Variants in ACSL1 observed in about 807,000 individuals in gnomAD.
ACSL1 encodes long-chain-fatty-acid--CoA ligase 1.
Under a neutral mutation model 98.4 loss-of-function variants are expected in ACSL1, and 41 were observed. The observed-to-expected ratio is 0.42, with a 90% CI of 0.32 to 0.54. ACSL1 has a LOEUF of 0.54. Among genes scored for constraint, ACSL1 ranks in the 20% least tolerant of loss-of-function variants. The probability of loss-of-function intolerance (pLI) is 0.13; values close to 1 mark genes in which losing one functional copy is unlikely to be tolerated. For synonymous variants in ACSL1, 316 were observed against 322.7 expected (o/e 0.98, Z 0.22); for missense variants, 734 against 883.1 (o/e 0.83, Z 2.14).
chr4:184,789,868 G>T (rs1203302596), intron 2 of ACSL1, among the ~76,000 whole-genome samples: 1 of 139,202 alleles, frequency 7.2e-6, no homozygotes, highest in Non-Finnish European at 1.5e-5. Flanking sequence ...CAGTGACTAT[G>T]ACGTTAGAGC....
chr4:184,785,615 GGGGGGGA>G (rs1561209697), intron 3 of ACSL1, among the ~76,000 whole-genome samples: 971 of 29,626 alleles, frequency 0.033, 50 homozygotes, highest in East Asian at 0.12. Context: ...GCGGGGGGGG[GGGGGGGA>G]AGGAAGCAAA....
At chr4:184,797,015 C>T (rs950840596) in intron 2 of ACSL1, among the ~76,000 whole-genome samples, 4 of 152,166 alleles carry the variant, frequency 2.6e-5, no homozygotes, top group Admixed American at 1.3e-4. Context: ...TCAGTGAGGG[C>T]GAGTGACACC....
intron 4 of ACSL1, among the ~76,000 whole-genome samples, chr4:184,783,234 CGCT>C (rs753608094): frequency 4.6e-5 from 7 of 152,294 alleles, no homozygotes; most frequent in Non-Finnish European, 8.8e-5. Context: ...ACTCATGAGC[CGCT>C]GTTTCAACAG....
At chr4:184,783,821 G>A in intron 4 of ACSL1, 106 bp downstream of exon 4, 2 of 1,045,680 alleles carry the variant, frequency 1.9e-6, no homozygotes, top group South Asian at 1.3e-5. Context: ...CTCTGAGCTG[G>A]TCCAGCACAT....
At chr4:184,797,162 G>A (rs1245833561) in intron 2 of ACSL1, among the ~76,000 whole-genome samples, 3 of 151,890 alleles carry the variant, frequency 2.0e-5, no homozygotes, top group African/African-American at 4.8e-5. Context: ...AACAGCTCCC[G>A]CTCACAGCGG....
chr4:184,784,978 C>T (rs1292252068), intron 3 of ACSL1, among the ~76,000 whole-genome samples: 1 of 152,188 alleles, frequency 6.6e-6, no homozygotes, highest in Non-Finnish European at 1.5e-5. Context: ...AAAAAAATTG[C>T]ATTAGCCATA....
chr4:184,771,159 G>A (rs1410153317), intron 10 of ACSL1, among the ~76,000 whole-genome samples: 1 of 152,016 alleles, frequency 6.6e-6, no homozygotes, highest in East Asian at 1.9e-4. Flanking sequence ...TTCAAACAAA[G>A]TGGAAGTCAC....
chr4:184,781,911 C>A (rs1296256250), intron 4 of ACSL1, among the ~76,000 whole-genome samples: 1 of 152,216 alleles, frequency 6.6e-6, no homozygotes, highest in Non-Finnish European at 1.5e-5. Flanking sequence ...CCGTGCCTGG[C>A]CTGGAGTTAT....
intron 2 of ACSL1, among the ~76,000 whole-genome samples, chr4:184,799,228 C>T (rs1233474960): frequency 1.3e-5 from 2 of 151,778 alleles, no homozygotes; most frequent in Non-Finnish European, 2.9e-5. Flanking sequence ...AAGCAATTCC[C>T]GTCTCAGCCT....
intron 2 of ACSL1, among the ~76,000 whole-genome samples, chr4:184,792,467 G>T (rs1191458396): frequency 1.3e-5 from 2 of 152,100 alleles, no homozygotes. Context: ...ACAGGGGCAG[G>T]CTCTGTCGCC....
chr4:184,809,598 C>T, intron 1 of ACSL1, among the ~76,000 whole-genome samples: 1 of 151,992 alleles, frequency 6.6e-6, no homozygotes, highest in East Asian at 1.9e-4. Context: ...CAAGACCATC[C>T]TGGCTAACAC....
chr4:184,788,654 T>C lies in ACSL1; in HGVS notation c.273A>G (p.Thr91=). ...TTCCCCTCTGGAAACCTTCGTATAA[T>C]GTTGTGACATCATCATAGAAATACA... ...PLVYFYDDVT[T]LYEGFQRGIQ... is the part of the protein sequence containing the mutation. Residue 91 remains threonine (T), a synonymous_variant, in exon 3 of 21, where the codon ACA becomes ACG. Transcript: ENST00000281455. 1 of 1,614,184 alleles carries C rather than the reference T, an allele frequency of 6.2e-7. No homozygotes were observed. The highest frequency in any genetic ancestry group is 8.5e-7 in the Non-Finnish European group (1 of 1,180,026).
rs148514045 is a variant in ACSL1 at position 184,808,277 on chromosome 4, C to A, written c.-32-4731G>T. 1.7e-4 allele frequency: 171 copies of A among 983,148 alleles called. No homozygotes were observed. The African/African-American group carries it at 2.8e-3, about 16-fold the overall frequency. The allele number at this position is 983,148 out of a possible 1,614,324, so 60.9% of individuals were successfully genotyped here. A position where few individuals can be genotyped will look rare whatever the true frequency, so the allele number is the denominator to read the frequency against. ...CACACACACTGCCCCTGCAACTCTGCAAACTTTTACTTACATTAACATTGT... is the reference window on the plus strand; with the variant it reads ...CACACACACTGCCCCTGCAACTCTGAAAACTTTTACTTACATTAACATTGT... On this transcript the variant is annotated intron_variant, in intron 1 of 20. Transcript: ENST00000281455.
At position 184,783,909 on chromosome 4, in the gene ACSL1, T is replaced by C. The variant is rs1034017018; in HGVS notation, c.375+18A>G. 2 of 1,610,460 alleles carry C rather than the reference T, an allele frequency of 1.2e-6. No homozygotes were observed. Among genetic ancestry groups the C allele is most frequent in the Non-Finnish European group, 1.7e-6 (2 of 1,176,940 alleles). On this transcript the variant is annotated intron_variant, in intron 4 of 20. Coordinates refer to ENST00000281455, the MANE Select transcript of ACSL1 (RefSeq NM_001995.5). ...GCTTGCAAGAGGAGTCCACAGAGCC[T>C]GTCTCATACAAACTCACCTGTTTAT...
chr4:184,768,377 T>C lies in ACSL1; in HGVS notation c.1067A>G (p.Lys356Arg), dbSNP rs761614480. The change falls in exon 12 of 21, where the codon AAG (lysine) becomes AGG (arginine). Residue 356 changes from lysine to arginine, a missense_variant. Coordinates refer to ENST00000281455, the MANE Select transcript of ACSL1 (RefSeq NM_001995.5). ...GGGGAAGACAGTGGGTTGAAGCACC[T>C]TGAGGTCATCCATGAGCAGCCTGAT... ...GDIRLLMDDL[K>R]VLQPTVFPVV... 6.2e-6 allele frequency: 10 copies of C among 1,613,410 alleles called. No homozygotes were observed. Among genetic ancestry groups the C allele is most frequent in the South Asian group, 4.4e-5 (4 of 90,940 alleles).
chr4:184,792,493 T>C (rs1277992668), intron 2 of ACSL1, among the ~76,000 whole-genome samples: 1 of 152,184 alleles, frequency 6.6e-6, no homozygotes, highest in Non-Finnish European at 1.5e-5. Context: ...TAGAGTTCAG[T>C]GGCATTATCA....
chr4:184,810,710 T>C (rs547604355), intron 1 of ACSL1, among the ~76,000 whole-genome samples: 1 of 152,032 alleles, frequency 6.6e-6, no homozygotes, highest in East Asian at 1.9e-4. Context: ...GAACAAACGA[T>C]AGGGCTCAAG....
intron 2 of ACSL1, among the ~76,000 whole-genome samples, chr4:184,801,224 T>G (rs1041525394): frequency 7.2e-5 from 11 of 152,198 alleles, no homozygotes; most frequent in African/African-American, 2.7e-4. Context: ...GCTACTGCCT[T>G]AAAAATCAGT....
intron 15 of ACSL1, 105 bp from the exon 16 acceptor site, chr4:184,763,360 G>A (rs542122098): frequency 9.7e-7 from 1 of 1,030,094 alleles, no homozygotes; most frequent in South Asian, 1.5e-5. Flanking sequence ...AAACGGCTGG[G>A]ATAAACTTCT....
Sources: gnomAD v4.1 joint callset for allele counts (sites outside exome capture counted in the v4.1 genomes callset) on GRCh38, gnomAD v4.1.1 for gene constraint, MANE v1.5 for transcripts, NCBI Gene and HGNC (gene_info 2026-07-23, HGNC 2026-07-21) for gene names.